RPS6KA5: variants seen among roughly 807,000 people sequenced by gnomAD.
The protein encoded by RPS6KA5 is ribosomal protein S6 kinase A5.
Under a neutral mutation model 85.5 loss-of-function variants are expected in RPS6KA5, and 27 were observed. That is an observed-to-expected ratio of 0.32 (90% CI 0.23 to 0.44). The LOEUF is 0.44. Among genes scored for constraint, RPS6KA5 ranks in the 20% least tolerant of loss-of-function variants. RPS6KA5 has a pLI of 1.00. For synonymous variants in RPS6KA5, 334 were observed against 348.2 expected (o/e 0.96, Z 0.46); for missense variants, 811 against 980.9 (o/e 0.83, Z 2.31).
At position 90,980,272 on chromosome 14, in the gene RPS6KA5, A is replaced by C. The variant is rs2039736426; in HGVS notation, c.176-1748T>G. 1.3e-5 allele frequency among the ~76,000 whole-genome samples: 2 copies of C among 152,234 alleles called. 1 individual carries two copies. The highest frequency in any genetic ancestry group is 2.9e-5 in the Non-Finnish European group (2 of 68,030). Reference sequence around the variant, plus strand: ...GGAGAAGGTAAAGTCTTCCACAAGCAGCCCTGAAACTTCTGTGTTCCTTAC... The same window carrying C: ...GGAGAAGGTAAAGTCTTCCACAAGCCGCCCTGAAACTTCTGTGTTCCTTAC... On this transcript the variant is annotated intron_variant, in intron 2 of 16. Coordinates refer to ENST00000614987, the MANE Select transcript of RPS6KA5 (RefSeq NM_004755.4).
intron 13 of RPS6KA5, among the ~76,000 whole-genome samples, chr14:90,893,732 C>T (rs1451020817): frequency 6.6e-6 from 1 of 151,740 alleles, no homozygotes; most frequent in African/African-American, 2.4e-5. Context: ...TATTGATTTT[C>T]GTTTTTCAAT....
intron 5 of RPS6KA5, among the ~76,000 whole-genome samples, chr14:90,930,433 A>C (rs1014737440): frequency 2.6e-5 from 4 of 152,172 alleles, no homozygotes; most frequent in African/African-American, 9.7e-5. Flanking sequence ...AACTGTAAAA[A>C]TCCTGGAAGA....
At chr14:91,059,064 A>G (rs2043471066) in intron 1 of RPS6KA5, among the ~76,000 whole-genome samples, 1 of 152,222 alleles carries the variant, frequency 6.6e-6, no homozygotes, top group Non-Finnish European at 1.5e-5. Flanking sequence ...ACGGTGGCTC[A>G]CGCCTGTAAT....
chr14:90,901,062 ATAAC>A (rs1438141414), intron 9 of RPS6KA5, among the ~76,000 whole-genome samples: 1 of 152,210 alleles, frequency 6.6e-6, no homozygotes, highest in Non-Finnish European at 1.5e-5. Flanking sequence ...GTTTACAAAC[ATAAC>A]TAACTTCTCA....
chr14:90,867,821 T>C lies in RPS6KA5; in HGVS notation c.*4253A>G, dbSNP rs2032863508. The C allele has an allele frequency of 6.6e-6, 1 of 152,134 alleles. No individual in the cohort carries two copies. The highest frequency in any genetic ancestry group is 1.5e-5 in the Non-Finnish European group (1 of 68,030). The allele number at this position is 152,134 out of a possible 1,614,324, so 9.4% of individuals were successfully genotyped here. A position where few individuals can be genotyped will look rare whatever the true frequency, so the allele number is the denominator to read the frequency against. On this transcript the variant is annotated 3_prime_UTR_variant, in exon 17 of 17. Coordinates refer to ENST00000614987, the MANE Select transcript of RPS6KA5 (RefSeq NM_004755.4). The stretch of plus-strand genomic sequence containing the variant: ...CCTTTTCACCCTAATAGTAGGAAAA[T>C]ATTAGGCACCTACTTAATTCACAAA...
chr14:91,044,392 GGAAAGAAAGAAAGAAAGAAAGAAA>G (rs71461930), intron 1 of RPS6KA5, among the ~76,000 whole-genome samples: 797 of 55,134 alleles, frequency 0.014, 15 homozygotes, highest in African/African-American at 0.048. Flanking sequence ...AAAGAAAGAA[GGAAAGAAAGAAAGAAAGAAAGAAA>G]GAAAGAAAGA....
intron 6 of RPS6KA5, 22 bp from the exon 7 acceptor site, chr14:90,920,331 A>C: frequency 2.9e-6 from 4 of 1,391,818 alleles, no homozygotes; most frequent in Non-Finnish European, 3.0e-6. Flanking sequence ...CAATAATTTC[A>C]TTTTATAGAA....
intron 3 of RPS6KA5, among the ~76,000 whole-genome samples, chr14:90,955,754 T>G (rs2038469618): frequency 6.6e-6 from 1 of 152,194 alleles, no homozygotes; most frequent in African/African-American, 2.4e-5. Flanking sequence ...CCTAGGTGGT[T>G]TATTGTGTTG....
chr14:90,907,386 G>A lies in RPS6KA5; in HGVS notation c.807-1087C>T, dbSNP rs1322714483. ...ACTCTGTACCTCAGTTTTCTCACCTGTAAAATGGGCATAACATCAGTACTT... is the reference window on the plus strand; with the variant it reads ...ACTCTGTACCTCAGTTTTCTCACCTATAAAATGGGCATAACATCAGTACTT... On this transcript the variant is annotated intron_variant, in intron 7 of 16. Coordinates refer to ENST00000614987, the MANE Select transcript of RPS6KA5 (RefSeq NM_004755.4). 3.3e-5 allele frequency among the ~76,000 whole-genome samples: 5 copies of A among 152,144 alleles called. No individual in the cohort carries two copies. In the South Asian group the frequency reaches 8.3e-4, roughly 25 times the overall value.
At chr14:91,006,899 C>T (rs938098014) in intron 1 of RPS6KA5, among the ~76,000 whole-genome samples, 2 of 152,194 alleles carry the variant, frequency 1.3e-5, no homozygotes. Flanking sequence ...CACACCTGAA[C>T]ATGCTGGTCT....
rs1286113 is a variant in RPS6KA5 at position 90,946,312 on chromosome 14, T to A, written c.510+1123A>T. On this transcript the variant is annotated intron_variant, in intron 4 of 16. Coordinates refer to ENST00000614987, the MANE Select transcript of RPS6KA5 (RefSeq NM_004755.4). ...GCAGCCCTGCCCCTCAACCCCCCCA[T>A]TACCAAAGGTTTCTTTCCCTGCTTG... is the stretch of plus-strand genomic sequence containing the variant. 8.7e-3 allele frequency among the ~76,000 whole-genome samples: 1,311 copies of A among 150,272 alleles called. 18 individuals are homozygous for A. Among genetic ancestry groups the A allele is most frequent in the African/African-American group, 0.031 (1,270 of 40,762 alleles).
intron 7 of RPS6KA5, among the ~76,000 whole-genome samples, chr14:90,908,104 C>T (rs2035608651): frequency 1.3e-5 from 2 of 152,196 alleles, no homozygotes; most frequent in Admixed American, 6.5e-5. Flanking sequence ...TCAATATCAG[C>T]TGCTGGGGAA....
Position 90,873,724 on chromosome 14 carries a change from C to T in RPS6KA5, c.2068G>A (p.Gly690Arg). ...AGAGGATTGGAGGACAGCTGACTTCCATCTTGTAGCCATTCATTGTACCTC... is the reference window on the plus strand; with the variant it reads ...AGAGGATTGGAGGACAGCTGACTTCTATCTTGTAGCCATTCATTGTACCTC... ...GLRYNEWLQD[G>R]SQLSSNPLMT... is the part of the protein sequence containing the mutation. The change falls in exon 16 of 17, where the codon GGA becomes AGA. Residue 690 changes from glycine to arginine, a missense_variant. Physicochemically the swap from Gly to Arg is moderately radical, Grantham distance 125. Coordinates refer to ENST00000614987, the MANE Select transcript of RPS6KA5 (RefSeq NM_004755.4). The T allele has an allele frequency of 6.2e-7, 1 of 1,614,108 alleles. No individual in the cohort carries two copies. The highest frequency in any genetic ancestry group is 8.5e-7 in the Non-Finnish European group (1 of 1,179,984).
chr14:90,985,471 C>T (rs548486639), intron 2 of RPS6KA5, among the ~76,000 whole-genome samples: 1 of 152,352 alleles, frequency 6.6e-6, no homozygotes, highest in East Asian at 1.9e-4. Context: ...CTTGGACATG[C>T]TGTTCTCACT....
chr14:90,894,332 C>T, intron 13 of RPS6KA5, 81 bp downstream of exon 13: 1 of 1,407,414 alleles, frequency 7.1e-7, no homozygotes, highest in South Asian at 2.0e-5. Context: ...AGGAAACCTC[C>T]CCAGAAACTT....
At chr14:91,033,972 T>C (rs2042295767) in intron 1 of RPS6KA5, among the ~76,000 whole-genome samples, 1 of 152,250 alleles carries the variant, frequency 6.6e-6, no homozygotes, top group South Asian at 2.1e-4. Flanking sequence ...ACAATGTAGA[T>C]AAATCCAAGA....
chr14:90,977,619 C>G (rs1159476768), intron 3 of RPS6KA5, among the ~76,000 whole-genome samples: 1 of 152,128 alleles, frequency 6.6e-6, no homozygotes, highest in East Asian at 1.9e-4. Flanking sequence ...AACGTCCGTC[C>G]CCTTGTCAGC....
At chr14:90,961,793 C>T (rs116940822) in intron 3 of RPS6KA5, among the ~76,000 whole-genome samples, 2 of 152,004 alleles carry the variant, frequency 1.3e-5, no homozygotes, top group Non-Finnish European at 2.9e-5. Context: ...CAGTAGTGAA[C>T]CCTGGGCTGT....
At chr14:90,996,576 A>G (rs1449687812) in intron 2 of RPS6KA5, among the ~76,000 whole-genome samples, 1 of 152,138 alleles carries the variant, frequency 6.6e-6, no homozygotes, top group East Asian at 1.9e-4. Flanking sequence ...TTTCTTTTAA[A>G]AACAGCTATA....
Sources: gnomAD v4.1 joint callset for allele counts (sites outside exome capture counted in the v4.1 genomes callset) on GRCh38, gnomAD v4.1.1 for gene constraint, MANE v1.5 for transcripts, NCBI Gene and HGNC (gene_info 2026-07-23, HGNC 2026-07-21) for gene names.